The following ERC1 variants were observed in gnomAD, a reference collection of about 807,000 sequenced individuals.
The protein encoded by ERC1 is ELKS/RAB6-interacting/CAST family member 1.
In ERC1, 56 loss-of-function variants were observed where a neutral mutation model predicts 132.0. The ratio of observed to expected loss-of-function variants is 0.42; its 90% CI spans 0.34 to 0.53. The LOEUF is 0.53. Ranked by LOEUF, ERC1 falls within the 20% of genes least tolerant of loss-of-function variation. The pLI is 0.03. For synonymous variants in ERC1, 478 were observed against 476.1 expected, an observed-to-expected ratio of 1.00 and a Z score of -0.05; for missense variants, 1,202 against 1,349.9, an observed-to-expected ratio of 0.89 and a Z score of 1.72.
chr12:1,379,937 C>T (rs1437287507), intron 16 of ERC1: 1 of 152,176 alleles, frequency 6.6e-6, no homozygotes, highest in Non-Finnish European at 1.5e-5. Flanking sequence ...ACTACCACAG[C>T]AAGTGCATGA....
intron 15 of ERC1, among the ~76,000 whole-genome samples, chr12:1,338,523 C>T (rs1326735153): frequency 6.6e-6 from 1 of 152,178 alleles, no homozygotes. Flanking sequence ...CATATTCTGC[C>T]TTCTGTTTCT....
rs145158468 is a variant in ERC1 at position 1,305,408 on chromosome 12, T to A, written c.2780+15396T>A. On this transcript the variant is annotated intron_variant, in intron 15 of 18. Coordinates refer to ENST00000360905, the MANE Select transcript of ERC1 (RefSeq NM_178040.4). ...GGATAGTCAACCTTTGTGACTTTCT[T>A]TAACTTTATGCAGAAAGGTTAGTTC... 3.0e-4 allele frequency among the ~76,000 whole-genome samples: 45 copies of A among 152,302 alleles called. No homozygotes were observed. The East Asian group carries it at 7.9e-3, about 27-fold the overall frequency.
intron 7 of ERC1, among the ~76,000 whole-genome samples, chr12:1,125,375 A>G (rs367592709): frequency 6.6e-6 from 1 of 152,206 alleles, no homozygotes; most frequent in East Asian, 1.9e-4. Context: ...AGAAAAAACA[A>G]GAAAGCCTAA....
At chr12:1,080,047 T>G (rs1189193240) in intron 2 of ERC1, among the ~76,000 whole-genome samples, 2 of 152,266 alleles carry the variant, frequency 1.3e-5, no homozygotes, top group Non-Finnish European at 2.9e-5. Context: ...AGGTGCATCT[T>G]ACAATAGTGA....
intron 12 of ERC1, among the ~76,000 whole-genome samples, chr12:1,227,104 T>C (rs145984116): frequency 2.0e-5 from 3 of 152,256 alleles, no homozygotes; most frequent in African/African-American, 4.8e-5. Context: ...TGCAGTGATA[T>C]GGGAGTGCAG....
intron 16 of ERC1, among the ~76,000 whole-genome samples, chr12:1,402,869 T>C (rs763847735): frequency 2.0e-5 from 3 of 152,240 alleles, no homozygotes; most frequent in Admixed American, 6.5e-5. Flanking sequence ...AAGAATTAAT[T>C]AGTCTGCTTT....
chr12:1,205,162 T>C (rs188235995), intron 12 of ERC1, among the ~76,000 whole-genome samples: 25 of 152,252 alleles, frequency 1.6e-4, no homozygotes. Flanking sequence ...GCAGAGACCA[T>C]TAAGTAACTT....
At chr12:1,373,968 A>G (rs1188538571) in intron 16 of ERC1, among the ~76,000 whole-genome samples, 1 of 152,200 alleles carries the variant, frequency 6.6e-6, no homozygotes, top group Non-Finnish European at 1.5e-5. Context: ...TCCTACAGTC[A>G]TCTCCTGCCT....
At chr12:1,382,110 CTGAG>C (rs931026766) in intron 16 of ERC1, among the ~76,000 whole-genome samples, 29 of 152,274 alleles carry the variant, frequency 1.9e-4, no homozygotes, top group African/African-American at 6.5e-4. Flanking sequence ...GAAATAGTAA[CTGAG>C]TGTCAGGAGA....
At chr12:1,127,096 A>G (rs997697961) in intron 7 of ERC1, among the ~76,000 whole-genome samples, 20 of 152,090 alleles carry the variant, frequency 1.3e-4, no homozygotes, top group Admixed American at 3.9e-4. Flanking sequence ...GTGGTTAACA[A>G]CTATGCCATG....
intron 8 of ERC1, among the ~76,000 whole-genome samples, chr12:1,160,645 A>G (rs1232334204): frequency 6.6e-6 from 1 of 152,160 alleles, no homozygotes; most frequent in African/African-American, 2.4e-5. Context: ...CAGGAGGTGG[A>G]GGTTGCAGTT....
At chr12:1,275,439 G>A (rs2078197887) in intron 14 of ERC1, among the ~76,000 whole-genome samples, 1 of 152,212 alleles carries the variant, frequency 6.6e-6, no homozygotes, top group South Asian at 2.1e-4. Context: ...AGTGAGTCCA[G>A]ATTGCGCCAT....
At chr12:1,261,513 C>A (rs755601467) in intron 13 of ERC1, among the ~76,000 whole-genome samples, 2 of 152,118 alleles carry the variant, frequency 1.3e-5, no homozygotes, top group Non-Finnish European at 2.9e-5. Flanking sequence ...GTTTAGTTTT[C>A]TTTGATTCTG....
At chr12:1,169,523 G>A (rs1022329153) in intron 8 of ERC1, among the ~76,000 whole-genome samples, 3 of 152,066 alleles carry the variant, frequency 2.0e-5, no homozygotes, top group African/African-American at 7.2e-5. Context: ...TACTGACTCC[G>A]ATCCCAAAGA....
chr12:1,256,433 A>AG (rs2076826057), intron 13 of ERC1, among the ~76,000 whole-genome samples: 1 of 140,252 alleles, frequency 7.1e-6, no homozygotes, highest in Admixed American at 7.0e-5. Flanking sequence ...AAAAAAAAAA[A>AG]AAGTTGATTC....
intron 15 of ERC1, among the ~76,000 whole-genome samples, chr12:1,367,706 C>A (rs919410499): frequency 1.3e-5 from 2 of 152,074 alleles, no homozygotes; most frequent in Non-Finnish European, 2.9e-5. Context: ...CTTACTATTT[C>A]CTGAAGCACA....
intron 16 of ERC1, among the ~76,000 whole-genome samples, chr12:1,377,721 GCTA>G (rs2088115185): frequency 6.6e-6 from 1 of 152,070 alleles, no homozygotes; most frequent in African/African-American, 2.4e-5. Context: ...CGTGGAAAAG[GCTA>G]CTGTCTATTA....
At chr12:1,308,147 T>C (rs1207443216) in intron 15 of ERC1, among the ~76,000 whole-genome samples, 1 of 152,130 alleles carries the variant, frequency 6.6e-6, no homozygotes, top group Non-Finnish European at 1.5e-5. Flanking sequence ...GGAGAATCAG[T>C]GGGCTGCCAA....
At position 1,128,634 on chromosome 12, in the gene ERC1, T is replaced by G. The variant is rs757483243; in HGVS notation, c.1569+12601T>G. Among the ~76,000 whole-genome samples the G allele has an allele frequency of 1.7e-4, 26 of 152,194 alleles. 1 individual carries two copies. Among genetic ancestry groups the G allele is most frequent in the Middle Eastern group, 6.3e-3 (2 of 316 alleles). On this transcript the variant is annotated intron_variant, in intron 7 of 18. Coordinates refer to ENST00000360905, the MANE Select transcript of ERC1 (RefSeq NM_178040.4). ...TCAGTTTTCTCATCTGTGAGAAGAA[T>G]AATAGCCTTACCCCATAATGTTGTG... is the stretch of plus-strand genomic sequence containing the variant.
Sources: gnomAD v4.1 joint callset for allele counts (sites outside exome capture counted in the v4.1 genomes callset) on GRCh38, gnomAD v4.1.1 for gene constraint, MANE v1.5 for transcripts, NCBI Gene and HGNC (gene_info 2026-07-23, HGNC 2026-07-21) for gene names.